CRPPA: variants seen among roughly 807,000 people sequenced by gnomAD.
The protein encoded by CRPPA is CDP-L-ribitol pyrophosphorylase A.
In CRPPA, 43 loss-of-function variants were observed where a neutral mutation model predicts 52.0. The observed-to-expected ratio is 0.83, with a 90% CI of 0.65 to 1.07. CRPPA has a LOEUF of 1.07. Ranked by LOEUF, CRPPA falls within the 50% of genes least tolerant of loss-of-function variation. CRPPA has a pLI of 0.00. For synonymous variants in CRPPA, 250 were observed against 203.5 expected (o/e 1.23, Z -1.94); for missense variants, 629 against 551.7 (o/e 1.14, Z -1.40).
chr7:16,332,849 T>C (rs1448722437), intron 3 of CRPPA, among the ~76,000 whole-genome samples: 1 of 152,010 alleles, frequency 6.6e-6, no homozygotes, highest in Non-Finnish European at 1.5e-5. Context: ...AGAGAAAAAT[T>C]GTCAGACCAA....
chr7:16,378,981 G>A (rs1786993471), intron 2 of CRPPA, among the ~76,000 whole-genome samples: 1 of 151,890 alleles, frequency 6.6e-6, no homozygotes, highest in African/African-American at 2.4e-5. Context: ...AAATTTGTTT[G>A]AGTTCATTGT....
intron 9 of CRPPA, among the ~76,000 whole-genome samples, chr7:16,201,334 T>C (rs918140783): frequency 6.6e-6 from 1 of 152,080 alleles, no homozygotes; most frequent in African/African-American, 2.4e-5. Flanking sequence ...CAGTTACAGA[T>C]AGAATTCATA....
At chr7:16,222,753 G>A (rs1782552445) in intron 8 of CRPPA, among the ~76,000 whole-genome samples, 1 of 152,054 alleles carries the variant, frequency 6.6e-6, no homozygotes, top group African/African-American at 2.4e-5. Context: ...CTATTTTTAA[G>A]CAGTTAGGTT....
chr7:16,177,857 T>A (rs1435006695), intron 9 of CRPPA, among the ~76,000 whole-genome samples: 1 of 152,076 alleles, frequency 6.6e-6, no homozygotes, highest in Non-Finnish European at 1.5e-5. Flanking sequence ...GGATGGCTAT[T>A]TTCCCTCTGG....
chr7:16,177,947 G>A (rs1337676914), intron 9 of CRPPA, among the ~76,000 whole-genome samples: 2 of 151,666 alleles, frequency 1.3e-5, no homozygotes, highest in East Asian at 1.9e-4. Flanking sequence ...CTATCTTTCT[G>A]TACACCCTCT....
intron 3 of CRPPA, among the ~76,000 whole-genome samples, chr7:16,353,813 G>A (rs1786222169): frequency 6.6e-6 from 1 of 151,650 alleles, no homozygotes; most frequent in African/African-American, 2.4e-5. Flanking sequence ...TCACACCACT[G>A]CACTCCAGCC....
intron 9 of CRPPA, among the ~76,000 whole-genome samples, chr7:16,136,900 T>C (rs141375423): frequency 1.7e-4 from 26 of 152,370 alleles, no homozygotes; most frequent in African/African-American, 6.3e-4. Context: ...TCTGATAGCT[T>C]TGAGCTCTAT....
intron 8 of CRPPA, among the ~76,000 whole-genome samples, chr7:16,245,707 C>G (rs1215512710): frequency 6.6e-6 from 1 of 152,110 alleles, no homozygotes; most frequent in Non-Finnish European, 1.5e-5. Flanking sequence ...GAGTTTCCCT[C>G]CAGACTACTG....
intron 9 of CRPPA, among the ~76,000 whole-genome samples, chr7:16,124,421 G>A (rs1782536653): frequency 6.6e-6 from 1 of 152,146 alleles, no homozygotes; most frequent in Non-Finnish European, 1.5e-5. Flanking sequence ...ATGAAATTCT[G>A]TCACTTGTGG....
At chr7:16,417,342 C>T (rs1045859838) in intron 1 of CRPPA, among the ~76,000 whole-genome samples, 1 of 152,156 alleles carries the variant, frequency 6.6e-6, no homozygotes, top group Admixed American at 6.6e-5. Flanking sequence ...ATGCATGCAC[C>T]ATGTTCATCA....
intron 2 of CRPPA, among the ~76,000 whole-genome samples, chr7:16,378,882 T>C (rs1786989184): frequency 1.3e-5 from 2 of 152,216 alleles, no homozygotes; most frequent in Admixed American, 6.5e-5. Flanking sequence ...CATTTTTTCA[T>C]GTGTTTTTTG....
chr7:16,226,914 T>G (rs1395529686), intron 8 of CRPPA, among the ~76,000 whole-genome samples: 1 of 151,900 alleles, frequency 6.6e-6, no homozygotes, highest in Admixed American at 6.6e-5. Flanking sequence ...TTTATAATCT[T>G]TGACATTTCC....
At chr7:16,411,664 AGAG>A (rs1287776183) in intron 1 of CRPPA, among the ~76,000 whole-genome samples, 1 of 152,038 alleles carries the variant, frequency 6.6e-6, no homozygotes, top group African/African-American at 2.4e-5. Context: ...AAATAAACAG[AGAG>A]GAGAATGCTT....
At chr7:16,223,771 T>C (rs545137564) in intron 8 of CRPPA, among the ~76,000 whole-genome samples, 1 of 152,206 alleles carries the variant, frequency 6.6e-6, no homozygotes, top group African/African-American at 2.4e-5. Context: ...TGTTTTTGCC[T>C]TAATAAAATA....
chr7:16,299,806 T>C (rs551078791), intron 5 of CRPPA, among the ~76,000 whole-genome samples: 2 of 152,298 alleles, frequency 1.3e-5, no homozygotes, highest in Admixed American at 6.5e-5. Flanking sequence ...TCCAAAGTCA[T>C]AGCCCCTGCA....
chr7:16,265,598 C>T (rs530755475), intron 6 of CRPPA, among the ~76,000 whole-genome samples: 212 of 152,284 alleles, frequency 1.4e-3, no homozygotes, highest in African/African-American at 4.7e-3. Context: ...GACCCAGTAG[C>T]ATTCATGTTT....
rs1781800148 is a variant in CRPPA, at chr7:16,089,914, C to T, written c.*1781G>A. The T allele has an allele frequency of 6.3e-6, 1 of 158,762 alleles. No individual in the cohort carries two copies. The highest frequency in any genetic ancestry group is 1.8e-4 in the East Asian group (1 of 5,446). 9.8% of individuals were successfully genotyped at this position (158,762 alleles called of 1,614,324 possible). On this transcript the variant is annotated 3_prime_UTR_variant, in exon 10 of 10. Coordinates refer to ENST00000407010, the MANE Select transcript of CRPPA (RefSeq NM_001101426.4). ...TGCATTCTTCTTCAAGGCACTTACC[C>T]TCTCTTTAAAGCCTTGATAACATTT...
intron 3 of CRPPA, among the ~76,000 whole-genome samples, chr7:16,334,598 T>C (rs762273091): frequency 6.6e-6 from 1 of 152,160 alleles, no homozygotes; most frequent in Non-Finnish European, 1.5e-5. Context: ...ATTCTGGTAC[T>C]GCCCAGAAAA....
intron 9 of CRPPA, among the ~76,000 whole-genome samples, chr7:16,184,080 T>C (rs887477615): frequency 1.4e-4 from 21 of 152,032 alleles, no homozygotes; most frequent in African/African-American, 5.1e-4. Context: ...TAGCTGGGAC[T>C]ACAGGCGCAC....
Sources: allele counts gnomAD v4.1 joint callset (sites outside exome capture counted in the v4.1 genomes callset), GRCh38; gene constraint gnomAD v4.1.1; transcripts MANE v1.5; gene names NCBI Gene and HGNC (gene_info 2026-07-23, HGNC 2026-07-21).